VPS41: variants seen among roughly 807,000 people sequenced by gnomAD.
VPS41 encodes vacuolar protein sorting-associated protein 41 homolog.
In VPS41, 85 loss-of-function variants were observed where a neutral mutation model predicts 130.9. The ratio of observed to expected loss-of-function variants is 0.65; its 90% CI spans 0.55 to 0.78. The LOEUF is 0.78. Among genes scored for constraint, VPS41 ranks in the 30% least tolerant of loss-of-function variants. The pLI is 0.00. For synonymous variants in VPS41, 335 were observed against 332.9 expected (o/e 1.01, Z -0.07); for missense variants, 874 against 1,018.7 (o/e 0.86, Z 1.93).
intron 25 of VPS41, among the ~76,000 whole-genome samples, chr7:38,730,052 G>A (rs778120220): frequency 2.6e-5 from 4 of 152,038 alleles, no homozygotes; most frequent in Non-Finnish European, 4.4e-5. Flanking sequence ...CTTATCATAC[G>A]CAGTTATGTG....
At chr7:38,791,910 C>T (rs1049798994) in intron 9 of VPS41, among the ~76,000 whole-genome samples, 17 of 152,134 alleles carry the variant, frequency 1.1e-4, no homozygotes, top group African/African-American at 4.1e-4. Context: ...ATTTGAGAGA[C>T]ATTGACAGAA....
chr7:38,765,977 G>A (rs1784035005), intron 15 of VPS41, among the ~76,000 whole-genome samples: 1 of 152,180 alleles, frequency 6.6e-6, no homozygotes, highest in Non-Finnish European at 1.5e-5. Flanking sequence ...ACCCAGAGGA[G>A]CACTGCTGGT....
At chr7:38,729,312 TA>T (rs1795611396) in intron 25 of VPS41, among the ~76,000 whole-genome samples, 1 of 152,198 alleles carries the variant, frequency 6.6e-6, no homozygotes, top group African/African-American at 2.4e-5. Flanking sequence ...GATAATAAAC[TA>T]AACAGATACA....
At chr7:38,793,054 C>T (rs1784562235) in intron 9 of VPS41, among the ~76,000 whole-genome samples, 1 of 152,178 alleles carries the variant, frequency 6.6e-6, no homozygotes, top group Non-Finnish European at 1.5e-5. Context: ...CATCCCTGGA[C>T]CACCCTATAT....
intron 1 of VPS41, among the ~76,000 whole-genome samples, chr7:38,905,938 C>T (rs1056943764): frequency 1.3e-5 from 2 of 151,634 alleles, no homozygotes; most frequent in African/African-American, 2.4e-5. Flanking sequence ...GGATTACAGG[C>T]GCCCACCACC....
At chr7:38,753,018 A>T (rs1011189691) in intron 21 of VPS41, among the ~76,000 whole-genome samples, 1 of 152,206 alleles carries the variant, frequency 6.6e-6, no homozygotes, top group African/African-American at 2.4e-5. Context: ...AAAAAAGTTA[A>T]CTTCACAGGA....
intron 19 of VPS41, among the ~76,000 whole-genome samples, chr7:38,756,461 GA>G (rs1313284690): frequency 1.3e-5 from 2 of 152,200 alleles, no homozygotes; most frequent in African/African-American, 4.8e-5. Flanking sequence ...GGTCAAGATG[GA>G]AGTTCACTTA....
chr7:38,884,657 C>T (rs928026353), intron 2 of VPS41, among the ~76,000 whole-genome samples: 8 of 152,148 alleles, frequency 5.3e-5, no homozygotes, highest in African/African-American at 1.7e-4. Context: ...GCCTGGCCTA[C>T]ACCAATTAAC....
chr7:38,816,639 A>G (rs995844089), intron 7 of VPS41, among the ~76,000 whole-genome samples: 8 of 152,252 alleles, frequency 5.3e-5, no homozygotes, highest in Non-Finnish European at 8.8e-5. Context: ...AAAACAGAAA[A>G]AAAACTAATT....
chr7:38,857,738 C>G (rs1786017318), intron 4 of VPS41, among the ~76,000 whole-genome samples: 3 of 152,114 alleles, frequency 2.0e-5, no homozygotes, highest in African/African-American at 7.2e-5. Flanking sequence ...ATGTAAGGAC[C>G]ATGACCCATG....
intron 25 of VPS41, among the ~76,000 whole-genome samples, chr7:38,734,595 C>G (rs1795728472): frequency 6.6e-6 from 1 of 152,068 alleles, no homozygotes; most frequent in African/African-American, 2.4e-5. Flanking sequence ...TAATCCCAAC[C>G]AAAAGCAAAA....
chr7:38,786,904 G>C (rs1042914091), intron 10 of VPS41, among the ~76,000 whole-genome samples: 2 of 152,060 alleles, frequency 1.3e-5, no homozygotes, highest in African/African-American at 4.8e-5. Context: ...GAGATACTTA[G>C]ATCTAGGAAA....
chr7:38,749,351 C>T (rs867077864), intron 22 of VPS41, among the ~76,000 whole-genome samples: 3 of 152,080 alleles, frequency 2.0e-5, no homozygotes, highest in Admixed American at 6.5e-5. Flanking sequence ...AGGAAGACAA[C>T]CAAAGGAAAG....
At chr7:38,812,628 T>C (rs1014464856) in intron 7 of VPS41, among the ~76,000 whole-genome samples, 11 of 152,064 alleles carry the variant, frequency 7.2e-5, no homozygotes, top group Non-Finnish European at 1.0e-4. Context: ...GGAAAAAATA[T>C]TTGCGAATCA....
In VPS41 at chr7:38,789,374, G is replaced by C. The variant is rs565855587; in HGVS notation, c.784+427C>G. ...CTGACTCAGTCAGGGAGGTCCAGTG[G>C]CTTTCCCAGTGCTTTCCCTGGAAAG... On this transcript the variant is annotated intron_variant, in intron 10 of 28. Coordinates refer to ENST00000310301, the MANE Select transcript of VPS41 (RefSeq NM_014396.4). 5.4e-4 allele frequency among the ~76,000 whole-genome samples: 82 copies of C among 152,238 alleles called. No homozygotes were observed. In the Middle Eastern group the frequency reaches 0.01, roughly 19 times the overall value.
intron 2 of VPS41, among the ~76,000 whole-genome samples, chr7:38,883,262 T>A (rs1786653181): frequency 6.6e-6 from 1 of 151,920 alleles, no homozygotes; most frequent in Non-Finnish European, 1.5e-5. Context: ...AAATAAAAAA[T>A]AAAACAACAA....
In VPS41 at chr7:38,839,504, C is replaced by T. The variant is rs1785564399; in HGVS notation, c.247-9176G>A. ...GTGGTGTGATCTCGGCTCACTGCAACCTCTGCCTGCTAACCAGCAGAAGAA... is the reference window on the plus strand; with the variant it reads ...GTGGTGTGATCTCGGCTCACTGCAATCTCTGCCTGCTAACCAGCAGAAGAA... On this transcript the variant is annotated intron_variant, in intron 4 of 28. Transcript: ENST00000310301. 3.3e-5 allele frequency among the ~76,000 whole-genome samples: 5 copies of T among 151,672 alleles called. No individual in the cohort carries two copies. In the South Asian group the frequency reaches 1.0e-3, roughly 32 times the overall value.
chr7:38,732,042 G>A (rs1192118298), intron 25 of VPS41, among the ~76,000 whole-genome samples: 3 of 152,082 alleles, frequency 2.0e-5, no homozygotes, highest in Non-Finnish European at 1.5e-5. Context: ...TAAACATCAA[G>A]CCTGGGAAAG....
chr7:38,763,700 A>C (rs920589170), intron 16 of VPS41, among the ~76,000 whole-genome samples, 153 bp from the exon 17 acceptor site: 6 of 152,256 alleles, frequency 3.9e-5, no homozygotes, highest in Non-Finnish European at 8.8e-5. Flanking sequence ...ATTTAAATGA[A>C]AACTACTTTC....
Sources: allele counts gnomAD v4.1 joint callset (sites outside exome capture counted in the v4.1 genomes callset), GRCh38; gene constraint gnomAD v4.1.1; transcripts MANE v1.5; gene names NCBI Gene and HGNC (gene_info 2026-07-23, HGNC 2026-07-21).